The following RESF1 variants were observed in gnomAD, a reference collection of about 807,000 sequenced individuals.
The protein encoded by RESF1 is gonad expressed transcript.
In RESF1, 65 loss-of-function variants were observed where a neutral mutation model predicts 134.7. The observed-to-expected ratio is 0.48, with a 90% CI of 0.40 to 0.59. The LOEUF (loss-of-function observed/expected upper bound fraction) is 0.59, where lower values mean the gene tolerates loss of function less well. RESF1 is among the 20% of genes least tolerant of loss of function. The pLI is 0.00. For synonymous variants in RESF1, 762 were observed against 702.2 expected (o/e 1.09, Z -1.35); for missense variants, 2,274 against 2,002.7 (o/e 1.14, Z -2.59).
At position 31,982,711 on chromosome 12, in the gene RESF1, G is replaced by C; in HGVS notation, c.1756G>C (p.Ala586Pro). Reference sequence around the variant, plus strand: ...TCAAAATGAAAATATGCTACTTCTCGCTTTGCTTTCACAGGCACGTAAGAC... The same window carrying C: ...TCAAAATGAAAATATGCTACTTCTCCCTTTGCTTTCACAGGCACGTAAGAC... ...KIQNENMLLLALLSQARKTQK... is the reference protein window; with the variant it reads ...KIQNENMLLLPLLSQARKTQK... Residue 586 changes from alanine (A) to proline (P), a missense_variant, in exon 4 of 6, where the codon GCT becomes CCT. Ala to Pro is a conservative substitution (Grantham distance 27). Transcript: ENST00000312561. 6.2e-7 allele frequency: 1 copy of C among 1,613,780 alleles called. No individual in the cohort carries two copies. The highest frequency in any genetic ancestry group is 8.5e-7 in the Non-Finnish European group (1 of 1,179,792).
chr12:31,959,856 C>A (rs913498407), intron 1 of RESF1: 3 of 152,322 alleles, frequency 2.0e-5, no homozygotes, highest in African/African-American at 7.2e-5. Context: ...GTGGCGAAGG[C>A]TAGGACGCAT....
intron 3 of RESF1, among the ~76,000 whole-genome samples, chr12:31,978,757 T>C (rs1434631561): frequency 6.7e-6 from 1 of 149,180 alleles, no homozygotes; most frequent in Non-Finnish European, 1.5e-5. Flanking sequence ...AGGCCGGGGT[T>C]TCACCGTGTT....
rs1372644304 is a variant in RESF1 at position 31,983,285 on chromosome 12, A to C, written c.2330A>C (p.Lys777Thr). 6.2e-7 allele frequency: 1 copy of C among 1,613,796 alleles called. No individual in the cohort carries two copies. The highest frequency in any genetic ancestry group is 2.2e-5 in the East Asian group (1 of 44,876). Reference sequence around the variant, plus strand: ...TCAGAGGTCAAAACATTGTCTGTCAAAGGAATAACACCTGCAGTGTTACCT... The same window carrying C: ...TCAGAGGTCAAAACATTGTCTGTCACAGGAATAACACCTGCAGTGTTACCT... ...VLSEVKTLSV[K>T]GITPAVLPET... The change falls in exon 4 of 6, where the codon AAA becomes ACA. Residue 777 changes from lysine (K) to threonine (T), a missense_variant. Coordinates refer to ENST00000312561, the MANE Select transcript of RESF1 (RefSeq NM_018169.4).
Position 31,959,432 on chromosome 12 carries a change from G to C in RESF1, c.-401G>C, listed in dbSNP as rs1745102785. 6.6e-6 allele frequency: 1 copy of C among 152,454 alleles called. No homozygotes were observed. 9.4% of individuals were successfully genotyped at this position (152,454 alleles called of 1,614,324 possible). ...CGGACCCCACTTGACTTAAACTCTG[G>C]GGCCCGGGAGGCCGCCGGTTTTCTC... On this transcript the variant is annotated 5_prime_UTR_variant, in exon 1 of 6. Transcript: ENST00000312561.
At chr12:31,972,935 T>G (rs10771893) in intron 3 of RESF1, among the ~76,000 whole-genome samples, 23,678 of 152,238 alleles carry the variant, frequency 0.16, 1,959 homozygotes, top group East Asian at 0.22. Flanking sequence ...TAGTGGGGTT[T>G]ATTTTGCATA....
chr12:31,980,366 C>T (rs1467062363), intron 3 of RESF1, among the ~76,000 whole-genome samples: 4 of 152,140 alleles, frequency 2.6e-5, no homozygotes, highest in African/African-American at 9.7e-5. Flanking sequence ...CTGCCTCTGC[C>T]TCCCAAAGTG....
intron 5 of RESF1, among the ~76,000 whole-genome samples, chr12:31,987,835 A>C (rs1316981170): frequency 1.3e-5 from 2 of 152,064 alleles, no homozygotes; most frequent in Non-Finnish European, 2.9e-5. Flanking sequence ...TCCCAGGTTC[A>C]AGCGATTTTC....
chr12:31,981,394 CCCAATATG>C lies in RESF1; in HGVS notation c.442_449del (p.Asn148GlyfsTer22), dbSNP rs759855386. The C allele has an allele frequency of 3.1e-6, 5 of 1,613,874 alleles. No individual in the cohort carries two copies. Among genetic ancestry groups the C allele is most frequent in the Non-Finnish European group, 4.2e-6 (5 of 1,179,924 alleles). On this transcript the variant is annotated frameshift_variant, in exon 4 of 6. Transcript: ENST00000312561. LOFTEE classifies it high-confidence loss of function. ...TCAAACTGATTTTGGAGCTAACGTACCCAATATGCCGGCACTACAGAGTCAACTGATAA... is the reference window on the plus strand; with the variant it reads ...TCAAACTGATTTTGGAGCTAACGTACCCGGCACTACAGAGTCAACTGATAA...
intron 5 of RESF1, among the ~76,000 whole-genome samples, chr12:31,991,160 G>C (rs553488041): frequency 2.0e-5 from 3 of 150,166 alleles, no homozygotes; most frequent in South Asian, 4.2e-4. Flanking sequence ...ATGCAGCACT[G>C]CACTCCAGCC....
Position 31,992,894 on chromosome 12 carries a change from GTTTTGGTT to G in RESF1, c.*361_*368del, listed in dbSNP as rs948620564. On this transcript the variant is annotated 3_prime_UTR_variant, in exon 6 of 6. Coordinates refer to ENST00000312561, the MANE Select transcript of RESF1 (RefSeq NM_018169.4). ...TTTATTTAAATGGGACTGTAAATAT[GTTTTGGTT>G]TCTAAGCTATATTAGCAAAATTTAT... 1 of 198,540 alleles carries G rather than the reference GTTTTGGTT, an allele frequency of 5.0e-6. No homozygotes were observed. Among genetic ancestry groups the G allele is most frequent in the African/African-American group, 2.4e-5 (1 of 41,904 alleles). The allele number at this position is 198,540 out of a possible 1,614,324, so 12.3% of individuals were successfully genotyped here.
intron 4 of RESF1, chr12:31,987,017 G>C (rs1314582454): frequency 2.7e-6 from 1 of 370,644 alleles, no homozygotes; most frequent in Non-Finnish European, 4.9e-6. Flanking sequence ...CAGTTCATGT[G>C]AGGGGAACAT....
At position 31,985,490 on chromosome 12, in the gene RESF1, T is replaced by G. The variant is rs752432162; in HGVS notation, c.4535T>G (p.Leu1512Trp). 2.1e-5 allele frequency: 33 copies of G among 1,604,640 alleles called. No homozygotes were observed. Among genetic ancestry groups the G allele is most frequent in the Non-Finnish European group, 2.6e-5 (31 of 1,177,492 alleles). The change falls in exon 4 of 6, where the codon TTG becomes TGG. Residue 1512 changes from leucine to tryptophan, a missense_variant. Transcript: ENST00000312561. ...VQTSKESLNG[L>W]TSHGKNLKIH... ...ACCTCTAAAGAATCATTAAATGGCT[T>G]GACAAGCCATGGTAAAAACCTCAAA...
chr12:31,991,110 G>T (rs1385655325), intron 5 of RESF1, among the ~76,000 whole-genome samples: 2 of 151,318 alleles, frequency 1.3e-5, no homozygotes, highest in African/African-American at 4.9e-5. Flanking sequence ...GAGGAAGGAG[G>T]ATCACCTGAG....
chr12:31,980,985 T>A lies in RESF1; in HGVS notation c.30T>A (p.Ala10=). The A allele has an allele frequency of 4.3e-6, 7 of 1,611,060 alleles. No homozygotes were observed. The highest frequency in any genetic ancestry group is 5.9e-6 in the Non-Finnish European group (7 of 1,178,592). The change falls in exon 4 of 6, where the codon GCT becomes GCA. Residue 10 remains alanine (A), a synonymous_variant. Coordinates refer to ENST00000312561, the MANE Select transcript of RESF1 (RefSeq NM_018169.4). The part of the protein sequence containing the change: MNWNEKPKS[A]TLPPLYPKSQ... ...ATTGGAATGAAAAACCAAAGAGTGC[T>A]ACATTACCACCACTGTATCCTAAAA...
intron 5 of RESF1, 105 bp downstream of exon 5, chr12:31,987,427 C>CA: frequency 2.0e-6 from 1 of 488,286 alleles, no homozygotes; most frequent in Non-Finnish European, 3.4e-6. Context: ...TATCCATGTT[C>CA]TTTTTTTTTT....
chr12:31,981,148 A>G lies in RESF1; in HGVS notation c.193A>G (p.Asn65Asp). ...AAATCCAATTTCACAGCCACTGCTGAATATCCAAAATTATCCTCAACAAAT... is the reference window on the plus strand; with the variant it reads ...AAATCCAATTTCACAGCCACTGCTGGATATCCAAAATTATCCTCAACAAAT... The part of the protein sequence containing the change: ...NSNPISQPLL[N>D]IQNYPQQISV... Residue 65 changes from asparagine (N) to aspartate (D), a missense_variant, in exon 4 of 6, where the codon AAT becomes GAT. Physicochemically the swap from Asn to Asp is conservative, Grantham distance 23. Coordinates refer to ENST00000312561, the MANE Select transcript of RESF1 (RefSeq NM_018169.4). 6.2e-7 allele frequency: 1 copy of G among 1,614,174 alleles called. No individual in the cohort carries two copies.
chr12:31,982,400 A>C lies in RESF1; in HGVS notation c.1445A>C (p.Gln482Pro). Reference protein sequence around the residue: ...VVESAETNKTQCMLNSDIQEV... With the variant: ...VVESAETNKTPCMLNSDIQEV... Reference sequence around the variant, plus strand: ...GAATCTGCAGAAACAAATAAGACTCAATGTATGTTGAATTCTGACATTCAG... The same window carrying C: ...GAATCTGCAGAAACAAATAAGACTCCATGTATGTTGAATTCTGACATTCAG... The change falls in exon 4 of 6, where the codon CAA (glutamine) becomes CCA (proline). Residue 482 changes from glutamine to proline, a missense_variant. By Grantham distance (76) the Gln-to-Pro change is moderately conservative. Transcript: ENST00000312561. 6.2e-7 allele frequency: 1 copy of C among 1,614,128 alleles called. No individual in the cohort carries two copies. Among genetic ancestry groups the C allele is most frequent in the Non-Finnish European group, 8.5e-7 (1 of 1,180,006 alleles).
chr12:31,989,996 CCT>C (rs767747004), intron 5 of RESF1, among the ~76,000 whole-genome samples: 5 of 152,056 alleles, frequency 3.3e-5, no homozygotes, highest in Admixed American at 6.6e-5. Context: ...GAAAACAATG[CCT>C]CTCGGGTTGG....
At position 31,989,541 on chromosome 12, in the gene RESF1, T is replaced by C. The variant is rs189191957; in HGVS notation, c.5086+2219T>C. ...GTGAAGAGAGCTTCAAACAAATACTTAGAAGCAGGCGTGTAAAAATTGAGT... is the reference window on the plus strand; with the variant it reads ...GTGAAGAGAGCTTCAAACAAATACTCAGAAGCAGGCGTGTAAAAATTGAGT... On this transcript the variant is annotated intron_variant, in intron 5 of 5. Transcript: ENST00000312561. Among the ~76,000 whole-genome samples, 10 of 151,584 alleles carry C rather than the reference T, an allele frequency of 6.6e-5. No individual in the cohort carries two copies. In the South Asian group the frequency reaches 1.7e-3, roughly 25 times the overall value.
Sources: gnomAD v4.1 joint callset for allele counts (sites outside exome capture counted in the v4.1 genomes callset) on GRCh38, gnomAD v4.1.1 for gene constraint, MANE v1.5 for transcripts, NCBI Gene and HGNC (gene_info 2026-07-23, HGNC 2026-07-21) for gene names.